SHROOM4: variants seen among roughly 807,000 people sequenced by gnomAD.
The protein encoded by SHROOM4 is shroom family member 4, also known as protein Shroom4.
In SHROOM4, 17 loss-of-function variants were observed where a neutral mutation model predicts 80.3. The observed-to-expected ratio is 0.21, with a 90% CI of 0.14 to 0.32. The LOEUF is 0.32. SHROOM4 is among the 10% of genes least tolerant of loss of function. The pLI, the probability that SHROOM4 is intolerant of heterozygous loss-of-function variation, is 1.00. For missense variants in SHROOM4, 993 were observed against 1,140.3 expected (o/e 0.87, Z 1.86); for synonymous variants, 400 against 437.5 (o/e 0.91, Z 1.07).
At chrX:50,674,474 A>C (rs1932831353) in intron 2 of SHROOM4, among the ~76,000 whole-genome samples, 1 of 111,591 alleles carries the variant, frequency 9.0e-6, no homozygotes, top group Non-Finnish European at 1.9e-5. Flanking sequence ...CAATGGAAAA[A>C]AAGATAGCCT....
intron 2 of SHROOM4, among the ~76,000 whole-genome samples, chrX:50,656,599 C>T (rs1425977980): frequency 9.0e-6 from 1 of 111,197 alleles, no homozygotes; most frequent in Non-Finnish European, 1.9e-5. Context: ...TCTTCTGTTC[C>T]ATTGAATGGT....
intron 2 of SHROOM4, among the ~76,000 whole-genome samples, chrX:50,651,746 C>A: frequency 3.7e-5 from 4 of 109,170 alleles, no homozygotes; most frequent in Non-Finnish European, 5.7e-5. Flanking sequence ...CCTTAACCCC[C>A]GACATGCCCC....
At chrX:50,718,840 G>A (rs781931141) in intron 1 of SHROOM4, among the ~76,000 whole-genome samples, 3 of 111,381 alleles carry the variant, frequency 2.7e-5, no homozygotes, top group Admixed American at 9.5e-5. Context: ...GAATTCTCCC[G>A]TCTTTTTATT....
intron 1 of SHROOM4, among the ~76,000 whole-genome samples, chrX:50,722,983 T>C (rs1557265572): frequency 9.2e-6 from 1 of 109,029 alleles, no homozygotes; most frequent in East Asian, 3.0e-4. Context: ...ATGCAATGAT[T>C]GTTTAGTATA....
chrX:50,640,935 A>G (rs782330973), intron 2 of SHROOM4, among the ~76,000 whole-genome samples: 1 of 112,520 alleles, frequency 8.9e-6, no homozygotes, highest in Non-Finnish European at 1.9e-5. Flanking sequence ...TAAAATGTGG[A>G]TAATAGTACC....
chrX:50,586,380 A>G (rs1460362297), downstream of SHROOM4, among the ~76,000 whole-genome samples: 1 of 111,925 alleles, frequency 8.9e-6, no homozygotes, highest in African/African-American at 3.2e-5. Flanking sequence ...CTCAACACCC[A>G]GGGAGGTGAG....
In SHROOM4 at chrX:50,803,427, T is replaced by C. The variant is rs190281952; in HGVS notation, c.117+10475A>G. On this transcript the variant is annotated intron_variant, in intron 1 of 8. Coordinates refer to ENST00000376020, the MANE Select transcript of SHROOM4 (RefSeq NM_020717.5). ...ACATGCTCTGCCCTTATGCTGTTAG[T>C]CAACACACTGTGGAGTGAACAAACT... is the stretch of plus-strand genomic sequence containing the variant. Among the ~76,000 whole-genome samples, 19 of 112,088 alleles carry C rather than the reference T, an allele frequency of 1.7e-4. No individual in the cohort carries two copies. The East Asian group carries it at 4.8e-3, about 28-fold the overall frequency.
intron 1 of SHROOM4, among the ~76,000 whole-genome samples, chrX:50,742,688 A>G (rs1000110107): frequency 9.3e-6 from 1 of 107,393 alleles, no homozygotes; most frequent in East Asian, 2.9e-4. Context: ...TCATCACAGC[A>G]TATCAAGGAA....
Position 50,635,183 on chromosome X carries a change from C to T in SHROOM4, c.890G>A (p.Arg297Lys). ...RAQLLNGEQRRASEPVVPLPQ... is the reference protein window; with the variant it reads ...RAQLLNGEQRKASEPVVPLPQ... Reference sequence around the variant, plus strand: ...CAAGGGGACCACAGGCTCAGATGCCCTGCGCTGCTCTCCATTGAGGAGTTG... The same window carrying T: ...CAAGGGGACCACAGGCTCAGATGCCTTGCGCTGCTCTCCATTGAGGAGTTG... Residue 297 changes from arginine to lysine, a missense_variant, in exon 4 of 9, where the codon AGG becomes AAG. Arg to Lys is a conservative substitution (Grantham distance 26). Transcript: ENST00000376020. 1 of 1,204,037 alleles carries T rather than the reference C, an allele frequency of 8.3e-7. No individual in the cohort carries two copies.
At chrX:50,794,673 A>C in intron 1 of SHROOM4, among the ~76,000 whole-genome samples, 1 of 101,392 alleles carries the variant, frequency 9.9e-6, no homozygotes, top group African/African-American at 3.9e-5. Context: ...CACACACTAA[A>C]ATTCACAGTC....
chrX:50,707,230 C>T (rs1156781594), intron 1 of SHROOM4, among the ~76,000 whole-genome samples: 1 of 111,911 alleles, frequency 8.9e-6, no homozygotes, highest in African/African-American at 3.2e-5. Context: ...TTGCCCTGAC[C>T]CAATTTCATG....
At chrX:50,658,446 A>G (rs1557259658) in intron 2 of SHROOM4, among the ~76,000 whole-genome samples, 1 of 111,130 alleles carries the variant, frequency 9.0e-6, no homozygotes, top group Non-Finnish European at 1.9e-5. Flanking sequence ...AATCACTTTA[A>G]CTATAGCATT....
chrX:50,722,592 G>A (rs907789304), intron 1 of SHROOM4, among the ~76,000 whole-genome samples: 1 of 110,797 alleles, frequency 9.0e-6, no homozygotes, highest in Non-Finnish European at 1.9e-5. Flanking sequence ...TAAATAACAG[G>A]AGGGTCTTGC....
At chrX:50,732,418 A>G (rs1336832909) in intron 1 of SHROOM4, among the ~76,000 whole-genome samples, 1 of 112,039 alleles carries the variant, frequency 8.9e-6, no homozygotes, top group Non-Finnish European at 1.9e-5. Context: ...AAGTAGAAGG[A>G]AGGAAATAAT....
intron 5 of SHROOM4, among the ~76,000 whole-genome samples, chrX:50,610,191 C>A (rs1929894078): frequency 9.0e-6 from 1 of 111,663 alleles, no homozygotes; most frequent in African/African-American, 3.3e-5. Flanking sequence ...TATCCCTCCC[C>A]CATTCTGGTC....
At chrX:50,614,035 T>C (rs781904361) in intron 5 of SHROOM4, among the ~76,000 whole-genome samples, 1 of 111,976 alleles carries the variant, frequency 8.9e-6, no homozygotes. Context: ...GCATTTCAAA[T>C]AGTGGGGGAA....
intron 1 of SHROOM4, among the ~76,000 whole-genome samples, chrX:50,800,517 G>A (rs1936096922): frequency 9.0e-6 from 1 of 111,421 alleles, no homozygotes; most frequent in African/African-American, 3.3e-5. Context: ...TGATGCCCTA[G>A]AGGCTTAGAG....
intron 5 of SHROOM4, among the ~76,000 whole-genome samples, chrX:50,610,352 T>TCTCTCTCTCTCTCACACACACACACA (rs782591424): frequency 9.8e-5 from 9 of 91,718 alleles, no homozygotes; most frequent in African/African-American, 4.1e-4. Context: ...TCTCTCTCTC[T>TCTCTCTCTCTCTCACACACACACACA]CACACACACA....
At chrX:50,812,825 T>C (rs1036087855) in intron 1 of SHROOM4, among the ~76,000 whole-genome samples, 1 of 111,879 alleles carries the variant, frequency 8.9e-6, no homozygotes, top group Non-Finnish European at 1.9e-5. Context: ...AACCCACATC[T>C]ACAACTTCAA....
Sources: gnomAD v4.1 joint callset for allele counts (sites outside exome capture counted in the v4.1 genomes callset) on GRCh38, gnomAD v4.1.1 for gene constraint, MANE v1.5 for transcripts, NCBI Gene and HGNC (gene_info 2026-07-23, HGNC 2026-07-21) for gene names.